Variants in PSD3 observed in about 807,000 individuals in gnomAD.
The protein encoded by PSD3 is PH and SEC7 domain-containing protein 3.
A neutral mutation model predicts 105.5 loss-of-function variants in PSD3; 49 were observed. That is an observed-to-expected ratio of 0.46 (90% CI 0.37 to 0.59). PSD3 has a LOEUF of 0.59. PSD3 is among the 20% of genes least tolerant of loss of function. The pLI is 0.00. For missense variants in PSD3, 1,561 were observed against 1,263.8 expected (o/e 1.24, Z -3.57); for synonymous variants, 557 against 457.8 (o/e 1.22, Z -2.77).
chr8:18,845,669 G>C (rs1011518989), intron 4 of PSD3, among the ~76,000 whole-genome samples: 2 of 152,106 alleles, frequency 1.3e-5, no homozygotes, highest in Admixed American at 6.5e-5. Flanking sequence ...GGGTGTGGTG[G>C]CTCGCACCTG....
Position 18,706,216 on chromosome 8 carries a change from G to A in PSD3, c.2173-50531C>T, listed in dbSNP as rs545379281. Among the ~76,000 whole-genome samples, 6 of 152,226 alleles carry A rather than the reference G, an allele frequency of 3.9e-5. No homozygotes were observed. In the East Asian group the frequency reaches 1.2e-3, roughly 29 times the overall value. On this transcript the variant is annotated intron_variant, in intron 9 of 15. Transcript: ENST00000327040. ...GTAGCCACCAAAAAGTAATTGAAAA[G>A]GGAAATGAATACCTGTTTCAACCCA...
At position 18,538,078 on chromosome 8, in the gene PSD3, AC is replaced by A. The variant is rs559107183; in HGVS notation, c.2929-2121del. 3.8e-3 allele frequency among the ~76,000 whole-genome samples: 581 copies of A among 152,342 alleles called. 2 individuals carry two copies. Among genetic ancestry groups the A allele is most frequent in the Non-Finnish European group, 6.1e-3 (414 of 68,034 alleles). On this transcript the variant is annotated intron_variant, in intron 15 of 15. Coordinates refer to ENST00000327040, the MANE Select transcript of PSD3 (RefSeq NM_015310.4). ...ATGAGGAAATAGGACAACATGCTGCACCTGAGGAAAAATGGAAAGACGGAGA... is the reference window on the plus strand; with the variant it reads ...ATGAGGAAATAGGACAACATGCTGCACTGAGGAAAAATGGAAAGACGGAGA...
At chr8:18,779,503 T>C (rs1241795426) in intron 8 of PSD3, among the ~76,000 whole-genome samples, 71 of 152,174 alleles carry the variant, frequency 4.7e-4, no homozygotes, top group Admixed American at 4.6e-3. Flanking sequence ...TGGTTTGTTC[T>C]TGCTTTTCTA....
At chr8:18,822,146 G>A (rs747509884) in intron 4 of PSD3, among the ~76,000 whole-genome samples, 35 of 152,108 alleles carry the variant, frequency 2.3e-4, no homozygotes, top group Non-Finnish European at 4.1e-4. Flanking sequence ...CACTCTTTGT[G>A]AAACAGGCAT....
In PSD3 at chr8:18,881,111, A is replaced by G. The variant is rs183422445; in HGVS notation, c.131-8378T>C. Among the ~76,000 whole-genome samples, 390 of 152,318 alleles carry G rather than the reference A, an allele frequency of 2.6e-3. 4 individuals carry two copies. The highest frequency in any genetic ancestry group is 0.022 in the Admixed American group (334 of 15,292). The stretch of plus-strand genomic sequence containing the variant: ...GCTTTGTGTATCTGGTTAGATTCCT[A>G]ACAAATCGTGTTTCCTGTTGTTTAG... On this transcript the variant is annotated intron_variant, in intron 2 of 15. Transcript: ENST00000327040.
At chr8:18,998,182 G>A (rs1826181916) in intron 1 of PSD3, among the ~76,000 whole-genome samples, 1 of 151,902 alleles carries the variant, frequency 6.6e-6, no homozygotes. Flanking sequence ...TTTTAAAAGA[G>A]TTGTATTTTA....
chr8:18,808,436 C>T (rs376141572), intron 4 of PSD3, among the ~76,000 whole-genome samples: 1 of 152,118 alleles, frequency 6.6e-6, no homozygotes, highest in Admixed American at 6.5e-5. Flanking sequence ...AAATTTATTA[C>T]CCAAAATCAT....
chr8:18,596,023 A>G (rs1370416219), intron 12 of PSD3, among the ~76,000 whole-genome samples: 1 of 152,104 alleles, frequency 6.6e-6, no homozygotes, highest in East Asian at 1.9e-4. Flanking sequence ...AAATCTTACC[A>G]AATTTAAGAA....
At chr8:18,732,333 G>C (rs1302034500) in intron 9 of PSD3, among the ~76,000 whole-genome samples, 1 of 152,192 alleles carries the variant, frequency 6.6e-6, no homozygotes, top group Non-Finnish European at 1.5e-5. Context: ...AGGAAGATTA[G>C]GAAGCTACAA....
At chr8:18,902,870 C>G (rs892463532) in intron 2 of PSD3, among the ~76,000 whole-genome samples, 2 of 152,144 alleles carry the variant, frequency 1.3e-5, no homozygotes, top group Admixed American at 1.3e-4. Context: ...GTCTTCAGTC[C>G]TCCTATTCTC....
At chr8:18,710,452 C>G (rs1476779759) in intron 9 of PSD3, among the ~76,000 whole-genome samples, 3 of 152,170 alleles carry the variant, frequency 2.0e-5, no homozygotes, top group Non-Finnish European at 4.4e-5. Flanking sequence ...CTTCCCCAAC[C>G]TAGCAAGACA....
intron 1 of PSD3, among the ~76,000 whole-genome samples, chr8:18,972,990 G>C (rs898899142): frequency 6.6e-6 from 1 of 152,156 alleles, no homozygotes; most frequent in African/African-American, 2.4e-5. Context: ...AAATTAACAA[G>C]ACAAAACTTC....
At chr8:19,003,168 C>G (rs1048056554) in intron 1 of PSD3, among the ~76,000 whole-genome samples, 1 of 151,970 alleles carries the variant, frequency 6.6e-6, no homozygotes, top group African/African-American at 2.4e-5. Flanking sequence ...AGGGCACACT[C>G]CAACCACTAT....
At chr8:18,892,108 T>C (rs886877255) in intron 2 of PSD3, among the ~76,000 whole-genome samples, 7 of 152,032 alleles carry the variant, frequency 4.6e-5, no homozygotes, top group Non-Finnish European at 8.8e-5. Flanking sequence ...TATTTGCACT[T>C]TTTTTCTAGC....
intron 1 of PSD3, among the ~76,000 whole-genome samples, chr8:19,043,665 G>A (rs1308819758): frequency 6.6e-6 from 1 of 152,160 alleles, no homozygotes. Flanking sequence ...AGCACTAAGA[G>A]CTCCACACTC....
At chr8:18,930,459 G>A (rs771990218) in intron 2 of PSD3, among the ~76,000 whole-genome samples, 22 of 152,070 alleles carry the variant, frequency 1.4e-4, no homozygotes, top group African/African-American at 3.9e-4. Flanking sequence ...GAACTTTCAC[G>A]TACAAGTCTT....
chr8:18,635,094 A>C (rs1489067946), intron 10 of PSD3, among the ~76,000 whole-genome samples: 2 of 152,020 alleles, frequency 1.3e-5, no homozygotes, highest in East Asian at 3.9e-4. Flanking sequence ...TTGTTATTTA[A>C]TTTGTTGCTT....
intron 2 of PSD3, among the ~76,000 whole-genome samples, chr8:18,894,939 A>C (rs749612919): frequency 5.3e-5 from 8 of 152,160 alleles, no homozygotes; most frequent in Non-Finnish European, 1.0e-4. Context: ...CTCAAGAGAG[A>C]TTTTGGGTAC....
chr8:18,858,100 A>C (rs1816165680), intron 4 of PSD3, among the ~76,000 whole-genome samples: 1 of 152,238 alleles, frequency 6.6e-6, no homozygotes, highest in Non-Finnish European at 1.5e-5. Context: ...AGCTTGAGCC[A>C]ATTCAATAGA....
Sources: allele counts gnomAD v4.1 joint callset (sites outside exome capture counted in the v4.1 genomes callset), GRCh38; gene constraint gnomAD v4.1.1; transcripts MANE v1.5; gene names NCBI Gene and HGNC (gene_info 2026-07-23, HGNC 2026-07-21).